STPG2: variants seen among roughly 807,000 people sequenced by gnomAD.
STPG2 encodes the protein sperm tail PG-rich repeat containing 2.
In STPG2, 56 loss-of-function variants were observed where a neutral mutation model predicts 54.2. The ratio of observed to expected loss-of-function variants is 1.03; its 90% confidence interval spans 0.83 to 1.29. The LOEUF is 1.29. Ranked by LOEUF, STPG2 falls within the 50% of genes most tolerant of loss-of-function variation. STPG2 has a pLI of 0.00. For synonymous variants in STPG2, 200 were observed against 181.8 expected, an observed-to-expected ratio of 1.10 and a Z score of -0.81; for missense variants, 596 against 544.9, an observed-to-expected ratio of 1.09 and a Z score of -0.93.
chr4:97,970,195 G>A (rs1295986992), intron 7 of STPG2, among the ~76,000 whole-genome samples: 3 of 152,098 alleles, frequency 2.0e-5, no homozygotes, highest in African/African-American at 7.2e-5. Context: ...CATGCTCATG[G>A]GTAGGAAGAA....
intron 9 of STPG2, among the ~76,000 whole-genome samples, chr4:97,750,600 G>C (rs1212566977): frequency 6.6e-6 from 1 of 151,700 alleles, no homozygotes; most frequent in African/African-American, 2.4e-5. Flanking sequence ...ACCACCTGTT[G>C]CAGCAGTAAC....
chr4:97,965,815 C>T (rs1270223848), intron 7 of STPG2, among the ~76,000 whole-genome samples: 1 of 152,134 alleles, frequency 6.6e-6, no homozygotes, highest in Non-Finnish European at 1.5e-5. Flanking sequence ...AAAGGAATAG[C>T]ATCAACATCA....
At chr4:98,134,482 CCAG>C in intron 1 of STPG2, 23 bp from the exon 2 acceptor site, 1 of 1,444,928 alleles carries the variant, frequency 6.9e-7, no homozygotes, top group Non-Finnish European at 9.4e-7. Context: ...AATCATATGA[CCAG>C]CAGATAAGAT....
intron 5 of STPG2, among the ~76,000 whole-genome samples, chr4:98,080,009 T>A (rs917581878): frequency 2.0e-5 from 3 of 152,126 alleles, no homozygotes; most frequent in Non-Finnish European, 4.4e-5. Flanking sequence ...ACTTATGCAG[T>A]TGTTTTTCAG....
At chr4:97,997,809 G>T (rs1438479096) in intron 5 of STPG2, among the ~76,000 whole-genome samples, 1 of 152,138 alleles carries the variant, frequency 6.6e-6, no homozygotes, top group Non-Finnish European at 1.5e-5. Flanking sequence ...GGTAAACATT[G>T]AATACATACG....
intron 5 of STPG2, among the ~76,000 whole-genome samples, chr4:98,017,703 C>T (rs774742320): frequency 6.6e-6 from 1 of 152,184 alleles, no homozygotes; most frequent in Non-Finnish European, 1.5e-5. Flanking sequence ...TGGTTTGGCT[C>T]TGTCCCTACC....
intron 9 of STPG2, among the ~76,000 whole-genome samples, chr4:97,813,448 G>T (rs1296899256): frequency 6.6e-6 from 1 of 151,840 alleles, no homozygotes; most frequent in African/African-American, 2.4e-5. Context: ...TATGCTAGGA[G>T]ATTTAAATCC....
intron 5 of STPG2, among the ~76,000 whole-genome samples, chr4:98,033,753 A>G (rs939359066): frequency 2.0e-5 from 3 of 152,186 alleles, no homozygotes; most frequent in African/African-American, 7.2e-5. Flanking sequence ...CTTATCCACC[A>G]CGATCAAGTC....
chr4:97,962,025 C>A (rs569196394), intron 7 of STPG2, among the ~76,000 whole-genome samples: 1 of 152,202 alleles, frequency 6.6e-6, no homozygotes, highest in African/African-American at 2.4e-5. Context: ...TACTACTCAG[C>A]AATAAAAAGG....
At chr4:97,825,034 T>A (rs951963628) in intron 9 of STPG2, among the ~76,000 whole-genome samples, 4 of 146,728 alleles carry the variant, frequency 2.7e-5, no homozygotes, top group African/African-American at 8.2e-5. Context: ...ATTTAAAAGT[T>A]TTTTTTTTAA....
rs200916898 is a variant in STPG2, at chr4:97,470,694, TTC to T, written c.462+242003_462+242004del. 1.0e-2 allele frequency among the ~76,000 whole-genome samples: 1,516 copies of T among 152,252 alleles called. 29 individuals are homozygous for T. The highest frequency in any genetic ancestry group is 0.034 in the African/African-American group (1,434 of 41,568). On this transcript the variant is annotated intron_variant, in intron 4 of 4. Coordinates refer to the STPG2 transcript ENST00000522676. Reference sequence around the variant, plus strand: ...AATAAAAGTTATATGAATGTGGTCTTTCTCTTTCTCTCAATATATCTTATTGT... The same window carrying T: ...AATAAAAGTTATATGAATGTGGTCTTTCTTTCTCTCAATATATCTTATTGT...
chr4:97,820,718 T>C (rs901128728), intron 9 of STPG2, among the ~76,000 whole-genome samples: 1 of 152,108 alleles, frequency 6.6e-6, no homozygotes, highest in Non-Finnish European at 1.5e-5. Context: ...TCTCAGGTAG[T>C]TTTACTCATG....
At chr4:97,442,203 T>A (rs938341085) in intron 4 of STPG2, among the ~76,000 whole-genome samples, 1 of 152,002 alleles carries the variant, frequency 6.6e-6, no homozygotes, top group Non-Finnish European at 1.5e-5. Context: ...TATATCACTT[T>A]TACTACATGA....
At chr4:97,991,061 C>T (rs1318929741) in intron 5 of STPG2, among the ~76,000 whole-genome samples, 3 of 151,968 alleles carry the variant, frequency 2.0e-5, no homozygotes, top group Non-Finnish European at 2.9e-5. Context: ...TATCCCTCAC[C>T]TCCATCCCAC....
At chr4:97,701,467 C>T (rs1251144655) in intron 10 of STPG2, among the ~76,000 whole-genome samples, 2 of 152,098 alleles carry the variant, frequency 1.3e-5, no homozygotes, top group African/African-American at 2.4e-5. Context: ...CCCCAATGCA[C>T]AGTTAACCAG....
intron 10 of STPG2, among the ~76,000 whole-genome samples, chr4:97,593,877 T>C (rs1275486757): frequency 1.3e-5 from 2 of 152,016 alleles, no homozygotes; most frequent in Admixed American, 1.3e-4. Flanking sequence ...ATTTGGAGCA[T>C]GTAGCCCAGA....
At chr4:97,917,556 A>T (rs1039546350) in intron 8 of STPG2, among the ~76,000 whole-genome samples, 3 of 152,226 alleles carry the variant, frequency 2.0e-5, no homozygotes, top group African/African-American at 7.2e-5. Flanking sequence ...TAAAAAAAAA[A>T]TTCAAAACAT....
At chr4:97,737,924 T>C (rs895265002) in intron 9 of STPG2, among the ~76,000 whole-genome samples, 5 of 151,888 alleles carry the variant, frequency 3.3e-5, no homozygotes, top group African/African-American at 1.2e-4. Context: ...TTCACCAAAG[T>C]TGAAATGAAG....
At chr4:98,032,238 C>T (rs186408419) in intron 5 of STPG2, among the ~76,000 whole-genome samples, 20 of 152,150 alleles carry the variant, frequency 1.3e-4, no homozygotes, top group Non-Finnish European at 2.4e-4. Flanking sequence ...GAAAAGAAGT[C>T]ACTATACAAA....
Sources: allele counts gnomAD v4.1 joint callset (sites outside exome capture counted in the v4.1 genomes callset), GRCh38; gene constraint gnomAD v4.1.1; transcripts MANE v1.5; gene names NCBI Gene and HGNC (gene_info 2026-07-23, HGNC 2026-07-21).